The following ABHD12 variants were observed in gnomAD, a reference collection of about 807,000 sequenced individuals.
ABHD12 encodes lysophosphatidylserine lipase ABHD12.
A neutral mutation model predicts 58.3 loss-of-function variants in ABHD12; 43 were observed. The observed-to-expected ratio is 0.74, with a 90% CI of 0.58 to 0.95. The LOEUF (loss-of-function observed/expected upper bound fraction) is 0.95. Among genes scored for constraint, ABHD12 ranks in the 40% least tolerant of loss-of-function variants. The pLI is 0.00. For synonymous variants in ABHD12, 219 were observed against 211.2 expected, an observed-to-expected ratio of 1.04 and a Z score of -0.32; for missense variants, 539 against 537.2, an observed-to-expected ratio of 1.00 and a Z score of -0.03.
At chr20:25,375,761 T>TTTGGGTTA (rs1319227925) in intron 1 of ABHD12, among the ~76,000 whole-genome samples, 1 of 152,242 alleles carries the variant, frequency 6.6e-6, no homozygotes, top group Non-Finnish European at 1.5e-5. Flanking sequence ...GTGGCTGCTA[T>TTTGGGTTA]TTGGGTTATT....
At chr20:25,294,805 G>A (rs1417314850) in exon 13 of ABHD12, 3 of 735,590 alleles carry the variant, frequency 4.1e-6, no homozygotes, top group African/African-American at 3.4e-5. Context: ...GGTTTATCTA[G>A]AGTTACAGAC....
At chr20:25,317,784 A>C (rs1232821353) in intron 4 of ABHD12, among the ~76,000 whole-genome samples, 2 of 152,172 alleles carry the variant, frequency 1.3e-5, no homozygotes, top group African/African-American at 4.8e-5. Flanking sequence ...TCCTTGTCTG[A>C]GGCCTGTCTA....
At chr20:25,311,924 T>A (rs4815400) in intron 6 of ABHD12, among the ~76,000 whole-genome samples, 1 of 151,444 alleles carries the variant, frequency 6.6e-6, no homozygotes, top group African/African-American at 2.4e-5. Context: ...CCCAGGCTTA[T>A]CTCGAACTCC....
intron 1 of ABHD12, among the ~76,000 whole-genome samples, chr20:25,376,945 A>C (rs555767305): frequency 3.9e-5 from 6 of 152,336 alleles, no homozygotes; most frequent in African/African-American, 1.2e-4. Flanking sequence ...AAAAAAAATC[A>C]AACTGTTTGA....
chr20:25,300,778 C>A lies in ABHD12; in HGVS notation c.*67G>T. On this transcript the variant is annotated 3_prime_UTR_variant, in exon 13 of 13. Transcript: ENST00000339157. ...CCGGCCCCCCGGGGCTTCAGGATAC[C>A]GGGCTGCTGACTGGAGGAAAACGGG... 7 of 1,612,828 alleles carry A rather than the reference C, an allele frequency of 4.3e-6. No homozygotes were observed. Among genetic ancestry groups the A allele is most frequent in the Middle Eastern group, 1.7e-4 (1 of 5,994 alleles).
intron 1 of ABHD12, among the ~76,000 whole-genome samples, chr20:25,388,639 C>A (rs540657970): frequency 6.6e-6 from 1 of 152,114 alleles, no homozygotes; most frequent in Non-Finnish European, 1.5e-5. Flanking sequence ...TTTGCTTATC[C>A]AAAGGATATG....
chr20:25,339,655 C>G (rs1284742709), intron 1 of ABHD12: 2 of 1,397,866 alleles, frequency 1.4e-6, no homozygotes, highest in Non-Finnish European at 9.6e-7. Context: ...AAAGCAGACC[C>G]CACCATGCCC....
Position 25,327,179 on chromosome 20 carries a change from C to A in ABHD12, c.317-3749G>T, listed in dbSNP as rs143047144. 1.8e-3 allele frequency among the ~76,000 whole-genome samples: 272 copies of A among 152,284 alleles called. 1 individual carries two copies. Among genetic ancestry groups the A allele is most frequent in the African/African-American group, 6.4e-3 (264 of 41,568 alleles). On this transcript the variant is annotated intron_variant, in intron 2 of 12. Transcript: ENST00000339157. ...CTTAAGATTAAGGTGTTATGAAACC[C>A]AAAGGGGTGCCAGGCGCGGTGGCGC...
intron 1 of ABHD12, among the ~76,000 whole-genome samples, chr20:25,369,460 AC>A (rs1241943484): frequency 6.6e-6 from 1 of 152,090 alleles, no homozygotes; most frequent in African/African-American, 2.4e-5. Context: ...TTACTCAGGA[AC>A]CTGTCTTGCA....
At chr20:25,302,880 T>A in intron 11 of ABHD12, among the ~76,000 whole-genome samples, 1 of 152,118 alleles carries the variant, frequency 6.6e-6, no homozygotes, top group East Asian at 1.9e-4. Context: ...CAGGAAGTGC[T>A]CCCAGCCCTG....
At position 25,323,347 on chromosome 20, in the gene ABHD12, C is replaced by A. The variant is rs2089115544; in HGVS notation, c.400G>T (p.Glu134Ter). 1 of 1,613,974 alleles carries A rather than the reference C, an allele frequency of 6.2e-7. No individual in the cohort carries two copies. The highest frequency in any genetic ancestry group is 8.5e-7 in the Non-Finnish European group (1 of 1,179,844). ...HTCNYYLQPEEDVTIGVWHTV... is the reference protein window; with the variant it reads ...HTCNYYLQPE Reference sequence around the variant, plus strand: ...CACCAGACTCCAATGGTCACGTCTTCCTCTGGCTGCAGGTAGTAGTTACAC... The same window carrying A: ...CACCAGACTCCAATGGTCACGTCTTACTCTGGCTGCAGGTAGTAGTTACAC... Residue 134 changes from glutamate to a stop codon, truncating the protein, a stop_gained, in exon 3 of 13, where the codon GAA becomes TAA. Transcript: ENST00000339157. LOFTEE classifies it high-confidence loss of function.
chr20:25,339,473 C>A (rs1275840930), intron 1 of ABHD12, 122 bp from the exon 2 acceptor site: 2 of 1,481,798 alleles, frequency 1.3e-6, no homozygotes, highest in Non-Finnish European at 1.9e-6. Flanking sequence ...CACAAGGATA[C>A]TGCCAATAAT....
At chr20:25,311,502 C>G (rs1267077930) in intron 6 of ABHD12, among the ~76,000 whole-genome samples, 2 of 152,206 alleles carry the variant, frequency 1.3e-5, no homozygotes, top group African/African-American at 4.8e-5. Flanking sequence ...GTTTAAAGCA[C>G]TGTTTGTGGT....
chr20:25,360,868 A>G (rs1358526839), intron 1 of ABHD12, among the ~76,000 whole-genome samples: 2 of 152,246 alleles, frequency 1.3e-5, no homozygotes, highest in Non-Finnish European at 2.9e-5. Context: ...CACTGAACAG[A>G]GTGGGGCCAC....
chr20:25,317,685 C>T (rs1338311140), intron 4 of ABHD12, among the ~76,000 whole-genome samples: 1 of 152,264 alleles, frequency 6.6e-6, no homozygotes, highest in East Asian at 1.9e-4. Context: ...GGAACGGCTG[C>T]CTCCCGCCCC....
rs373615018 is a variant in ABHD12, at chr20:25,302,224, T to C, written c.1152A>G (p.Ile384Met). The C allele has an allele frequency of 6.2e-7, 1 of 1,613,300 alleles. No homozygotes were observed. The highest frequency in any genetic ancestry group is 8.5e-7 in the Non-Finnish European group (1 of 1,179,926). Residue 384 changes from isoleucine (I) to methionine (M), a missense_variant, in exon 12 of 13, where the codon ATA becomes ATG. Transcript: ENST00000339157. The stretch of plus-strand genomic sequence containing the variant: ...GTGGGAAGAGAATGTCTCACCTCAG[T>C]ATCCGTGGCAGCTCAGGGCTCTTGT... The part of the protein sequence containing the change: ...YIYKSPELPR[I>M]LREFLGKSEP...
chr20:25,358,413 G>T (rs2089697044), intron 1 of ABHD12, among the ~76,000 whole-genome samples: 1 of 152,186 alleles, frequency 6.6e-6, no homozygotes, highest in African/African-American at 2.4e-5. Flanking sequence ...CTGCAGGCAG[G>T]AGTTTCTTCC....
intron 6 of ABHD12, among the ~76,000 whole-genome samples, chr20:25,313,006 G>T (rs1399373641): frequency 2.0e-5 from 3 of 152,100 alleles, no homozygotes; most frequent in African/African-American, 7.2e-5. Context: ...TCTGGGAGGT[G>T]GGGGGCGCCT....
chr20:25,366,101 T>G (rs904167222), intron 1 of ABHD12, among the ~76,000 whole-genome samples: 4 of 152,238 alleles, frequency 2.6e-5, no homozygotes, highest in African/African-American at 9.6e-5. Flanking sequence ...TTCAATGAAT[T>G]ATGCTATCTT....
Sources: allele counts gnomAD v4.1 joint callset (sites outside exome capture counted in the v4.1 genomes callset), GRCh38; gene constraint gnomAD v4.1.1; transcripts MANE v1.5; gene names NCBI Gene and HGNC (gene_info 2026-07-23, HGNC 2026-07-21).